Variants in STARD13 observed in about 807,000 individuals in gnomAD.
The protein encoded by STARD13 is StAR related lipid transfer domain containing 13, also known as stAR-related lipid transfer protein 13.
Under a neutral mutation model 106.4 loss-of-function variants are expected in STARD13, and 62 were observed. The ratio of observed to expected loss-of-function variants is 0.58; its 90% CI spans 0.48 to 0.72. The LOEUF is 0.72. Ranked by LOEUF, STARD13 falls within the 30% of genes least tolerant of loss-of-function variation. STARD13 has a pLI of 0.00. For synonymous variants in STARD13, 565 were observed against 553.0 expected, an observed-to-expected ratio of 1.02 and a Z score of -0.31; for missense variants, 1,387 against 1,424.0, an observed-to-expected ratio of 0.97 and a Z score of 0.42.
At chr13:33,488,976 C>T in the STARD13 span, among the ~76,000 whole-genome samples, 1 of 152,114 alleles carries the variant, frequency 6.6e-6, no homozygotes, top group Non-Finnish European at 1.5e-5. Context: ...TCATTACACT[C>T]AAGTTGAACA....
At chr13:33,187,155 G>C (rs1035472843) in intron 1 of STARD13, among the ~76,000 whole-genome samples, 2 of 152,126 alleles carry the variant, frequency 1.3e-5, no homozygotes, top group African/African-American at 4.8e-5. Context: ...CTTAACTTCC[G>C]TTTCTGTTTA....
chr13:33,479,764 C>T, the STARD13 span, among the ~76,000 whole-genome samples: 2 of 152,132 alleles, frequency 1.3e-5, no homozygotes, highest in South Asian at 4.1e-4. Flanking sequence ...TGGCGCTGTT[C>T]TCATGATAGT....
the STARD13 span, among the ~76,000 whole-genome samples, chr13:33,560,983 G>A: frequency 1.3e-5 from 2 of 151,346 alleles, no homozygotes; most frequent in African/African-American, 4.9e-5. Flanking sequence ...TTCAGTGTTG[G>A]CATTACTAAG....
chr13:33,111,167 A>G (rs1412971133), intron 10 of STARD13, among the ~76,000 whole-genome samples: 2 of 152,104 alleles, frequency 1.3e-5, no homozygotes, highest in Non-Finnish European at 2.9e-5. Context: ...CTTCCCTTTT[A>G]TTTTACCTTT....
chr13:33,604,002 T>A, the STARD13 span, among the ~76,000 whole-genome samples: 669 of 152,142 alleles, frequency 4.4e-3, 3 homozygotes, highest in Middle Eastern at 0.02. Flanking sequence ...AATAAGACAC[T>A]CTTACAATTA....
chr13:33,146,335 T>A (rs1880539493), intron 3 of STARD13, among the ~76,000 whole-genome samples: 1 of 148,212 alleles, frequency 6.7e-6, no homozygotes, highest in Admixed American at 6.7e-5. Context: ...AAAAAAAAAA[T>A]TAGCTGGGCA....
chr13:33,426,643 T>A, the STARD13 span, among the ~76,000 whole-genome samples: 1 of 152,218 alleles, frequency 6.6e-6, no homozygotes, highest in Non-Finnish European at 1.5e-5. Context: ...TTATAAATTA[T>A]TTTTCTTTTT....
downstream of STARD13, chr13:33,348,512 C>T (rs1440769620): frequency 6.6e-6 from 1 of 152,644 alleles, no homozygotes; most frequent in East Asian, 1.9e-4. Flanking sequence ...TGGCAGGCCT[C>T]CTGGAATGAC....
At chr13:33,240,158 T>C (rs1889396514) in intron 1 of STARD13, among the ~76,000 whole-genome samples, 1 of 152,200 alleles carries the variant, frequency 6.6e-6, no homozygotes, top group African/African-American at 2.4e-5. Context: ...TCTCATTATG[T>C]AGTCTTGATG....
At chr13:33,572,565 A>G in the STARD13 span, among the ~76,000 whole-genome samples, 2 of 152,180 alleles carry the variant, frequency 1.3e-5, no homozygotes, top group African/African-American at 4.8e-5. Flanking sequence ...AGTGTTTCTT[A>G]TATCAAATGC....
chr13:33,308,520 C>CTTTTTTTTTTTTTTTTTTTTT (rs552526416), intron 1 of STARD13, among the ~76,000 whole-genome samples: 6 of 88,552 alleles, frequency 6.8e-5, no homozygotes, highest in East Asian at 2.9e-4. Flanking sequence ...CTTTTTCTTT[C>CTTTTTTTTTTTTTTTTTTTTT]TTTTTTTTTT....
chr13:33,499,282 T>TA, the STARD13 span, among the ~76,000 whole-genome samples: 2 of 152,350 alleles, frequency 1.3e-5, no homozygotes, highest in African/African-American at 4.8e-5. Flanking sequence ...ACAAGTATAT[T>TA]AGTCAGCTTA....
the STARD13 span, among the ~76,000 whole-genome samples, chr13:33,376,586 A>C: frequency 6.6e-6 from 1 of 151,496 alleles, no homozygotes; most frequent in Non-Finnish European, 1.5e-5. Flanking sequence ...TACCCACCAC[A>C]CTCTATCCTG....
Position 33,126,156 on chromosome 13 carries a change from G to A in STARD13, c.2007C>T (p.Val669=). The stretch of plus-strand genomic sequence containing the variant: ...GAGGCAGGGGCTGTCCCGTTCTTTG[G>A]ACGTGGACTATGAGAGGAACGCCAA... ...AVFGVPLIVH[V]QRTGQPLPQS... The change falls in exon 7 of 14, where the codon GTC becomes GTT. Residue 669 remains valine, a synonymous_variant. Coordinates refer to ENST00000336934, the MANE Select transcript of STARD13 (RefSeq NM_178006.4). 6.2e-7 allele frequency: 1 copy of A among 1,614,162 alleles called. No individual in the cohort carries two copies. The highest frequency in any genetic ancestry group is 1.1e-5 in the South Asian group (1 of 91,072).
chr13:33,263,549 G>A (rs888919083), intron 1 of STARD13, among the ~76,000 whole-genome samples: 1 of 152,210 alleles, frequency 6.6e-6, no homozygotes, highest in Non-Finnish European at 1.5e-5. Context: ...GGGAGTGGGA[G>A]TATGTTCTTC....
At chr13:33,335,509 G>A (rs1312169187) in intron 1 of STARD13, among the ~76,000 whole-genome samples, 2 of 152,240 alleles carry the variant, frequency 1.3e-5, no homozygotes, top group Non-Finnish European at 2.9e-5. Flanking sequence ...AGTCATGAGA[G>A]TCATGCTGCT....
the STARD13 span, among the ~76,000 whole-genome samples, chr13:33,544,350 CT>C: frequency 6.6e-6 from 1 of 152,214 alleles, no homozygotes; most frequent in African/African-American, 2.4e-5. Flanking sequence ...TTCAGCAGGA[CT>C]TTTCTCAATT....
intron 3 of STARD13, among the ~76,000 whole-genome samples, chr13:33,145,667 C>T (rs1880432262): frequency 6.6e-6 from 1 of 152,070 alleles, no homozygotes; most frequent in South Asian, 2.1e-4. Flanking sequence ...TATATCCATA[C>T]AATGGAATAC....
At chr13:33,582,941 A>G in the STARD13 span, among the ~76,000 whole-genome samples, 13 of 152,190 alleles carry the variant, frequency 8.5e-5, no homozygotes, top group African/African-American at 3.1e-4. Context: ...GCTTCCACCA[A>G]TTCATCAAAT....
Sources: allele counts gnomAD v4.1 joint callset (sites outside exome capture counted in the v4.1 genomes callset), GRCh38; gene constraint gnomAD v4.1.1; transcripts MANE v1.5; gene names NCBI Gene and HGNC (gene_info 2026-07-23, HGNC 2026-07-21).